DNAH5: variants seen among roughly 807,000 people sequenced by gnomAD.
The protein encoded by DNAH5 is dynein axonemal heavy chain 5.
DNAH5 carries 372 observed loss-of-function variants against 518.2 expected under a neutral mutation model. The ratio of observed to expected loss-of-function variants is 0.72; its 90% CI spans 0.66 to 0.78. DNAH5 has a LOEUF of 0.78. Ranked by LOEUF, DNAH5 falls within the 30% of genes least tolerant of loss-of-function variation. DNAH5 has a pLI of 0.00. For synonymous variants in DNAH5, 2,039 were observed against 2,025.9 expected (o/e 1.01, Z -0.17); for missense variants, 5,523 against 5,687.0 (o/e 0.97, Z 0.93).
chr5:13,730,024 A>G (rs970305147), intron 68 of DNAH5, among the ~76,000 whole-genome samples: 1 of 152,250 alleles, frequency 6.6e-6, no homozygotes, highest in African/African-American at 2.4e-5. Context: ...CACTTTATCT[A>G]GAAATGTTAG....
At chr5:13,994,565 T>A (rs2152077233) in intron 1 of DNAH5, among the ~76,000 whole-genome samples, 1 of 152,326 alleles carries the variant, frequency 6.6e-6, no homozygotes, top group South Asian at 2.1e-4. Flanking sequence ...CACAACTACT[T>A]ACACTCAAAG....
chr5:13,695,854 G>A (rs1485727775), intron 78 of DNAH5, among the ~76,000 whole-genome samples: 2 of 151,646 alleles, frequency 1.3e-5, no homozygotes, highest in Non-Finnish European at 2.9e-5. Flanking sequence ...ACATGCACAT[G>A]CACATACACA....
intron 36 of DNAH5, 60 bp downstream of exon 36, chr5:13,830,537 T>A (rs1168376273): frequency 1.8e-5 from 29 of 1,591,790 alleles, no homozygotes; most frequent in Admixed American, 5.0e-5. Context: ...AAAACAAATT[T>A]TAGCAAAATA....
At position 13,707,326 on chromosome 5, in the gene DNAH5, C is replaced by A. The variant is rs1742928446; in HGVS notation, c.13338+797G>T. Reference sequence around the variant, plus strand: ...CACTCAATAAAACCTTGCACCCGACCTCTAAGCCCACATGTGAGGCAATTT... The same window carrying A: ...CACTCAATAAAACCTTGCACCCGACATCTAAGCCCACATGTGAGGCAATTT... On this transcript the variant is annotated intron_variant, in intron 76 of 78. Coordinates refer to ENST00000265104, the MANE Select transcript of DNAH5 (RefSeq NM_001369.3). This position sits in a 1 kb window ranked among gnomAD's most constrained non-coding sequence, Gnocchi z 4.0. Among the ~76,000 whole-genome samples, 1 of 152,214 alleles carries A rather than the reference C, an allele frequency of 6.6e-6. No individual in the cohort carries two copies. The highest frequency in any genetic ancestry group is 1.5e-5 in the Non-Finnish European group (1 of 68,042).
intron 55 of DNAH5, among the ~76,000 whole-genome samples, chr5:13,771,888 A>G (rs964160491): frequency 2.6e-5 from 4 of 152,226 alleles, no homozygotes; most frequent in African/African-American, 7.2e-5. Context: ...AGGCAAAGAC[A>G]TACAAATAGT....
chr5:13,790,095 T>C (rs1580255210), intron 50 of DNAH5, among the ~76,000 whole-genome samples: 1 of 152,200 alleles, frequency 6.6e-6, no homozygotes, highest in East Asian at 1.9e-4. Flanking sequence ...ATATATGCTA[T>C]TGGTGGGAGT....
chr5:13,735,916 G>T lies in DNAH5; in HGVS notation c.11472C>A (p.Ser3824Arg). Residue 3824 changes from serine (S) to arginine (R), a missense_variant, in exon 67 of 79, where the codon AGC becomes AGA. Transcript: ENST00000265104. ...EEYRPVATRG[S>R]ILYFLITEMR... ...TCTCAGTAATGAGGAAGTAGAGGAT[G>T]CTGCCCCGCGTAGCCACTGGAAGAC... 6.2e-7 allele frequency: 1 copy of T among 1,613,998 alleles called. No individual in the cohort carries two copies. The highest frequency in any genetic ancestry group is 8.5e-7 in the Non-Finnish European group (1 of 1,179,902).
chr5:13,942,066 G>A (rs964983590), intron 1 of DNAH5, among the ~76,000 whole-genome samples: 8 of 152,196 alleles, frequency 5.3e-5, no homozygotes, highest in Middle Eastern at 3.4e-3. Flanking sequence ...TCTGAGAAAA[G>A]CAGAAAAAAG....
intron 1 of DNAH5, among the ~76,000 whole-genome samples, chr5:14,001,090 C>T (rs10057381): frequency 0.4 from 60,725 of 151,864 alleles, 13,031 homozygotes; most frequent in East Asian, 0.82. Context: ...GAGTTAAACA[C>T]TGGGTACACA....
intron 1 of DNAH5, among the ~76,000 whole-genome samples, chr5:13,977,699 C>T (rs1047231955): frequency 6.6e-6 from 1 of 152,128 alleles, no homozygotes; most frequent in African/African-American, 2.4e-5. Flanking sequence ...ACATCAGCAT[C>T]CTGGGTCCCA....
chr5:14,010,855 T>C (rs1020027241), intron 1 of DNAH5, among the ~76,000 whole-genome samples: 1 of 147,086 alleles, frequency 6.8e-6, no homozygotes, highest in Non-Finnish European at 1.5e-5. Flanking sequence ...ACAAAGTGCA[T>C]ATTTTATCGA....
chr5:13,999,493 T>C (rs1368018424), intron 1 of DNAH5, among the ~76,000 whole-genome samples: 1 of 152,250 alleles, frequency 6.6e-6, no homozygotes, highest in Admixed American at 6.5e-5. Flanking sequence ...TAACATAACC[T>C]CTTCAAGGTT....
intron 1 of DNAH5, among the ~76,000 whole-genome samples, chr5:13,965,366 T>C (rs1251558783): frequency 6.6e-6 from 1 of 152,200 alleles, no homozygotes; most frequent in African/African-American, 2.4e-5. Context: ...AAAATAATAT[T>C]TTTATTTACA....
intron 41 of DNAH5, among the ~76,000 whole-genome samples, chr5:13,819,936 G>T (rs1761993356): frequency 6.6e-6 from 1 of 152,080 alleles, no homozygotes; most frequent in Non-Finnish European, 1.5e-5. Context: ...ACTGGGAAAT[G>T]GCATGGTATG....
chr5:13,718,583 T>C (rs1744615139), intron 72 of DNAH5, among the ~76,000 whole-genome samples: 1 of 152,192 alleles, frequency 6.6e-6, no homozygotes, highest in East Asian at 1.9e-4. Context: ...GTATGGAGCA[T>C]AAAGACCATA....
At chr5:13,797,313 G>A (rs1345342910) in intron 47 of DNAH5, among the ~76,000 whole-genome samples, 1 of 152,046 alleles carries the variant, frequency 6.6e-6, no homozygotes, top group Non-Finnish European at 1.5e-5. Flanking sequence ...CTGAAAAAGG[G>A]CTAATATCCA....
intron 53 of DNAH5, among the ~76,000 whole-genome samples, chr5:13,778,936 G>A (rs1342258913): frequency 2.0e-5 from 3 of 152,212 alleles, no homozygotes; most frequent in Non-Finnish European, 4.4e-5. Context: ...TGGTGGTTGG[G>A]TATACTGGAT....
chr5:13,847,872 C>A (rs1212295933), intron 31 of DNAH5, among the ~76,000 whole-genome samples: 1 of 152,044 alleles, frequency 6.6e-6, no homozygotes, highest in African/African-American at 2.4e-5. Context: ...TAGACAGTTC[C>A]TCGGCAAGTG....
At chr5:13,841,259 T>G (rs952254737) in intron 33 of DNAH5, 129 bp from the exon 34 acceptor site, 5 of 745,914 alleles carry the variant, frequency 6.7e-6, no homozygotes, top group Admixed American at 2.5e-5. Context: ...CTTTGATACC[T>G]TTTTTCATAA....
Sources: gnomAD v4.1 joint callset for allele counts (sites outside exome capture counted in the v4.1 genomes callset) on GRCh38, gnomAD v4.1.1 for gene constraint, Gnocchi (gnomAD v3.1) non-coding constraint, MANE v1.5 for transcripts, NCBI Gene and HGNC (gene_info 2026-07-23, HGNC 2026-07-21) for gene names.